SHISA6: variants seen among roughly 807,000 people sequenced by gnomAD.
SHISA6 encodes the protein protein shisa-6.
In SHISA6, 22 loss-of-function variants were observed where a neutral mutation model predicts 47.9. The observed-to-expected ratio is 0.46, with a 90% CI of 0.33 to 0.66. The LOEUF is 0.66. SHISA6 is among the 30% of genes least tolerant of loss of function. The pLI is 0.02. For synonymous variants in SHISA6, 388 were observed against 337.8 expected, an observed-to-expected ratio of 1.15 and a Z score of -1.63; for missense variants, 680 against 764.6, an observed-to-expected ratio of 0.89 and a Z score of 1.30.
intron 3 of SHISA6, among the ~76,000 whole-genome samples, chr17:11,420,058 G>T (rs538851249): frequency 6.6e-6 from 1 of 152,244 alleles, no homozygotes; most frequent in African/African-American, 2.4e-5. Context: ...ACAAAAATTA[G>T]CCGGGTGTGG....
At chr17:11,246,953 C>G (rs903460279) in intron 1 of SHISA6, among the ~76,000 whole-genome samples, 3 of 152,176 alleles carry the variant, frequency 2.0e-5, no homozygotes, top group African/African-American at 7.2e-5. Context: ...CTTCCTGCCC[C>G]TCCCCAAGCT....
At chr17:11,376,763 C>T (rs1483407387) in intron 2 of SHISA6, among the ~76,000 whole-genome samples, 9 of 152,186 alleles carry the variant, frequency 5.9e-5, no homozygotes, top group Non-Finnish European at 4.4e-5. Context: ...CTGGTCCAAA[C>T]ATAGTGGTTC....
At chr17:11,519,760 C>G (rs1297168899) in intron 3 of SHISA6, among the ~76,000 whole-genome samples, 2 of 152,152 alleles carry the variant, frequency 1.3e-5, no homozygotes, top group Non-Finnish European at 2.9e-5. Context: ...CCACCTCCCC[C>G]ACGCCAACAA....
At chr17:11,313,883 G>A (rs1477092101) in intron 2 of SHISA6, among the ~76,000 whole-genome samples, 1 of 152,084 alleles carries the variant, frequency 6.6e-6, no homozygotes, top group East Asian at 1.9e-4. Flanking sequence ...TTGGATGGCC[G>A]GCCACTGAAG....
chr17:11,483,756 A>C (rs1597543798), intron 3 of SHISA6, among the ~76,000 whole-genome samples: 2 of 152,152 alleles, frequency 1.3e-5, no homozygotes, highest in East Asian at 3.9e-4. Context: ...CCAGGAGTTC[A>C]AGACCAGCCT....
At position 11,334,654 on chromosome 17, in the gene SHISA6, C is replaced by T. The variant is rs1042758745; in HGVS notation, c.800-44760C>T. ...ATGCCTATCGGGGGGAGGGAGACTG[C>T]CACATGATGCCAACATCACCTGTGA... On this transcript the variant is annotated intron_variant, in intron 2 of 5. Transcript: ENST00000441885. Among the ~76,000 whole-genome samples, 3 of 152,182 alleles carry T rather than the reference C, an allele frequency of 2.0e-5. No homozygotes were observed. The East Asian group carries it at 5.8e-4, about 29-fold the overall frequency.
At chr17:11,449,475 A>C (rs187558444) in intron 3 of SHISA6, among the ~76,000 whole-genome samples, 2 of 152,110 alleles carry the variant, frequency 1.3e-5, no homozygotes, top group African/African-American at 4.8e-5. Flanking sequence ...AAAAAAGAAA[A>C]AAATTGAGGC....
At chr17:11,374,173 G>A (rs72807126) in intron 2 of SHISA6, among the ~76,000 whole-genome samples, 528 of 152,198 alleles carry the variant, frequency 3.5e-3, no homozygotes, top group Non-Finnish European at 6.4e-3. Context: ...ATGTGTATTT[G>A]CCCTTTGGGT....
intron 3 of SHISA6, among the ~76,000 whole-genome samples, chr17:11,448,996 C>T (rs980778547): frequency 2.0e-5 from 3 of 152,192 alleles, no homozygotes; most frequent in African/African-American, 7.2e-5. Context: ...CTTGTCACTT[C>T]CCCACTTTTA....
Position 11,422,634 on chromosome 17 carries a change from C to T in SHISA6, c.895+43125C>T, listed in dbSNP as rs143045762. On this transcript the variant is annotated intron_variant, in intron 3 of 5. Transcript: ENST00000441885. ...AAAATTAGTAGGGCGTGGTGGTGCACGCCTGTAGTCCCAGCTACGCAAGAG... is the reference window on the plus strand; with the variant it reads ...AAAATTAGTAGGGCGTGGTGGTGCATGCCTGTAGTCCCAGCTACGCAAGAG... Among the ~76,000 whole-genome samples the T allele has an allele frequency of 4.1e-3, 618 of 152,062 alleles. 6 individuals carry two copies. The highest frequency in any genetic ancestry group is 4.8e-3 in the African/African-American group (201 of 41,498).
intron 3 of SHISA6, among the ~76,000 whole-genome samples, chr17:11,445,040 T>C (rs767016694): frequency 1.3e-5 from 2 of 152,212 alleles, no homozygotes; most frequent in African/African-American, 2.4e-5. Context: ...GATTTTCATG[T>C]GACTTTTAAA....
intron 3 of SHISA6, among the ~76,000 whole-genome samples, chr17:11,441,454 A>G (rs1470997556): frequency 6.6e-6 from 1 of 152,228 alleles, no homozygotes; most frequent in Non-Finnish European, 1.5e-5. Context: ...CATCTCCATC[A>G]GGAATGAAAT....
intron 2 of SHISA6, among the ~76,000 whole-genome samples, chr17:11,272,171 C>T (rs1057282827): frequency 2.0e-5 from 3 of 152,178 alleles, no homozygotes; most frequent in African/African-American, 7.2e-5. Flanking sequence ...CCTGCCACTC[C>T]TTCCATGGAC....
chr17:11,425,823 C>T (rs1312078539), intron 3 of SHISA6, among the ~76,000 whole-genome samples: 3 of 152,142 alleles, frequency 2.0e-5, no homozygotes, highest in Admixed American at 2.0e-4. Flanking sequence ...CCTTAAATCC[C>T]CTAAGTTTTT....
Position 11,563,256 on chromosome 17 carries a change from G to A in SHISA6, c.*4952G>A, listed in dbSNP as rs1157101395. On this transcript the variant is annotated 3_prime_UTR_variant, in exon 6 of 6. Transcript: ENST00000441885. ...GTCATGATAACCCACTCTGGAATAT[G>A]TGTCCTGAAGACCAAGTCTGGACAC... The A allele has an allele frequency of 2.0e-5, 3 of 152,184 alleles. No individual in the cohort carries two copies. Among genetic ancestry groups the A allele is most frequent in the Admixed American group, 2.0e-4 (3 of 15,278 alleles). The allele number at this position is 152,184 out of a possible 1,614,324, so 9.4% of individuals were successfully genotyped here.
chr17:11,545,355 A>T (rs1219289674), intron 3 of SHISA6, among the ~76,000 whole-genome samples: 2 of 152,182 alleles, frequency 1.3e-5, no homozygotes, highest in Non-Finnish European at 2.9e-5. Context: ...TATAGGAATG[A>T]ACGATTTATT....
rs573068229 is a variant in SHISA6 at position 11,548,548 on chromosome 17, G to A, written c.896-3348G>A. 5.9e-5 allele frequency among the ~76,000 whole-genome samples: 9 copies of A among 152,018 alleles called. No homozygotes were observed. In the South Asian group the frequency reaches 1.9e-3, roughly 32 times the overall value. On this transcript the variant is annotated intron_variant, in intron 3 of 5. Coordinates refer to ENST00000441885, the MANE Select transcript of SHISA6 (RefSeq NM_207386.4). ...AGATATTTCTCAGTAATAGACAAGT[G>A]AATCGTTCAACATGAGGAAATCTAT... is the stretch of plus-strand genomic sequence containing the variant.
At chr17:11,395,421 T>C (rs1382229961) in intron 3 of SHISA6, among the ~76,000 whole-genome samples, 3 of 152,128 alleles carry the variant, frequency 2.0e-5, no homozygotes, top group Non-Finnish European at 4.4e-5. Flanking sequence ...TAATTTTATA[T>C]TCTGCTACCT....
chr17:11,383,026 C>A lies in SHISA6; in HGVS notation c.895+3517C>A, dbSNP rs1213627480. Reference sequence around the variant, plus strand: ...GATTGTGGCTCACTGCAACCTCTGTCTCCCGGGTCCAAGCAATTCTTCTGC... The same window carrying A: ...GATTGTGGCTCACTGCAACCTCTGTATCCCGGGTCCAAGCAATTCTTCTGC... On this transcript the variant is annotated intron_variant, in intron 3 of 5. Coordinates refer to ENST00000441885, the MANE Select transcript of SHISA6 (RefSeq NM_207386.4). Among the ~76,000 whole-genome samples, 4 of 150,038 alleles carry A rather than the reference C, an allele frequency of 2.7e-5. No homozygotes were observed. The Admixed American group carries it at 2.7e-4, about 10-fold the overall frequency.
Sources: gnomAD v4.1 joint callset for allele counts (sites outside exome capture counted in the v4.1 genomes callset) on GRCh38, gnomAD v4.1.1 for gene constraint, MANE v1.5 for transcripts, NCBI Gene and HGNC (gene_info 2026-07-23, HGNC 2026-07-21) for gene names.